The following CNTNAP2 variants were observed in gnomAD, a reference collection of about 807,000 sequenced individuals.
The protein encoded by CNTNAP2 is contactin-associated protein-like 2.
Under a neutral mutation model 155.2 loss-of-function variants are expected in CNTNAP2, and 98 were observed. That is an observed-to-expected ratio of 0.63 (90% CI 0.54 to 0.75). CNTNAP2 has a LOEUF of 0.75. CNTNAP2 is among the 30% of genes least tolerant of loss of function. The pLI is 0.00. For synonymous variants in CNTNAP2, 651 were observed against 631.2 expected (o/e 1.03, Z -0.47); for missense variants, 1,727 against 1,688.1 (o/e 1.02, Z -0.40).
intron 13 of CNTNAP2, among the ~76,000 whole-genome samples, chr7:147,827,543 G>A (rs17170688): frequency 0.011 from 1,725 of 152,286 alleles, 93 homozygotes; most frequent in Admixed American, 0.09. Flanking sequence ...AACTTCTCAA[G>A]GGATATCCTC....
At chr7:147,139,176 A>G (rs1369123882) in intron 8 of CNTNAP2, among the ~76,000 whole-genome samples, 3 of 152,126 alleles carry the variant, frequency 2.0e-5, no homozygotes. Context: ...ATAATATTGT[A>G]TCTACTTAAC....
chr7:148,085,572 G>C (rs1311210002), intron 15 of CNTNAP2, among the ~76,000 whole-genome samples: 1 of 152,094 alleles, frequency 6.6e-6, no homozygotes, highest in African/African-American at 2.4e-5. Context: ...AAGATTATTA[G>C]TTAGTACCGT....
Position 146,726,262 on chromosome 7 carries a change from G to A in CNTNAP2, c.98-48009G>A, listed in dbSNP as rs73740825. Reference sequence around the variant, plus strand: ...GAACTATTTAGGGAACAATATCTAGGTAACAATACATGAATATTATATTTA... The same window carrying A: ...GAACTATTTAGGGAACAATATCTAGATAACAATACATGAATATTATATTTA... On this transcript the variant is annotated intron_variant, in intron 1 of 23. Coordinates refer to ENST00000361727, the MANE Select transcript of CNTNAP2 (RefSeq NM_014141.6). Among the ~76,000 whole-genome samples the A allele has an allele frequency of 9.8e-3, 1,486 of 152,086 alleles. 29 individuals are homozygous for A. Among genetic ancestry groups the A allele is most frequent in the African/African-American group, 0.034 (1,413 of 41,478 alleles).
At chr7:146,806,745 T>C (rs562794659) in intron 2 of CNTNAP2, among the ~76,000 whole-genome samples, 1 of 152,244 alleles carries the variant, frequency 6.6e-6, no homozygotes, top group Non-Finnish European at 1.5e-5. Flanking sequence ...TAAAATGCCC[T>C]TCATCTGGTC....
At chr7:146,721,020 TA>T (rs1448129417) in intron 1 of CNTNAP2, among the ~76,000 whole-genome samples, 1 of 106,568 alleles carries the variant, frequency 9.4e-6, no homozygotes, top group African/African-American at 8.0e-5. Context: ...ATACTCTATA[TA>T]TTATATATAC....
At chr7:147,104,892 A>ATC (rs1800732104) in intron 4 of CNTNAP2, among the ~76,000 whole-genome samples, 1 of 52,658 alleles carries the variant, frequency 1.9e-5, no homozygotes, top group East Asian at 5.2e-4. Flanking sequence ...ATATATATAT[A>ATC]TATATATATA....
At chr7:147,698,845 G>C (rs915635639) in intron 13 of CNTNAP2, among the ~76,000 whole-genome samples, 8 of 152,208 alleles carry the variant, frequency 5.3e-5, no homozygotes, top group African/African-American at 1.9e-4. Flanking sequence ...TTGCTGGTGT[G>C]AGCACATTAT....
At chr7:148,052,137 C>T (rs1240887239) in intron 15 of CNTNAP2, among the ~76,000 whole-genome samples, 3 of 122,408 alleles carry the variant, frequency 2.5e-5, no homozygotes, top group East Asian at 6.4e-4. Context: ...AGCCAGACTC[C>T]GTCTCCAAAA....
At chr7:148,030,600 G>A (rs11760696) in intron 15 of CNTNAP2, among the ~76,000 whole-genome samples, 49,234 of 150,756 alleles carry the variant, frequency 0.33, 9,573 homozygotes, top group East Asian at 0.77. Context: ...TTCCGGTTCT[G>A]GGCCCATTCC....
chr7:148,314,053 G>A (rs1178534003), intron 21 of CNTNAP2, among the ~76,000 whole-genome samples: 1 of 152,170 alleles, frequency 6.6e-6, no homozygotes, highest in African/African-American at 2.4e-5. Context: ...GTGAGGAGGG[G>A]AGATGATAAA....
intron 12 of CNTNAP2, among the ~76,000 whole-genome samples, chr7:147,581,971 A>T (rs1006427006): frequency 6.6e-6 from 1 of 152,182 alleles, no homozygotes; most frequent in Non-Finnish European, 1.5e-5. Flanking sequence ...CTTGTGCTGT[A>T]AGATATGAAC....
At position 147,083,550 on chromosome 7, in the gene CNTNAP2, GTA is replaced by G. The variant is rs1289403405; in HGVS notation, c.551-24584_551-24583del. On this transcript the variant is annotated intron_variant, in intron 4 of 23. Transcript: ENST00000361727. ...TATATATATATACATATATATATATGTATATATATATATACACATATATATGT... is the reference window on the plus strand; with the variant it reads ...TATATATATATACATATATATATATGTATATATATATACACATATATATGT... Among the ~76,000 whole-genome samples, 723 of 112,960 alleles carry G rather than the reference GTA, an allele frequency of 6.4e-3. 10 individuals carry two copies. The highest frequency in any genetic ancestry group is 0.026 in the African/African-American group (650 of 25,346). The allele number at this position is 112,960 out of a possible 152,430, so 74.1% of individuals were successfully genotyped here.
rs1345136412 is a variant in CNTNAP2, at chr7:147,198,315, T to C, written c.1348+65806T>C. 4.5e-5 allele frequency among the ~76,000 whole-genome samples: 6 copies of C among 132,364 alleles called. No individual in the cohort carries two copies. The Admixed American group carries it at 5.5e-4, about 12-fold the overall frequency. 86.8% of individuals were successfully genotyped at this position (132,364 alleles called of 152,430 possible). ...GGTGTGATCTCGGCTCACCACAACC[T>C]CTGCCACCCAGGTTCCAGCAATTTT... On this transcript the variant is annotated intron_variant, in intron 8 of 23. Coordinates refer to ENST00000361727, the MANE Select transcript of CNTNAP2 (RefSeq NM_014141.6).
Position 147,654,605 on chromosome 7 carries a change from T to C in CNTNAP2, c.2098+15299T>C, listed in dbSNP as rs571390662. On this transcript the variant is annotated intron_variant, in intron 13 of 23. Coordinates refer to ENST00000361727, the MANE Select transcript of CNTNAP2 (RefSeq NM_014141.6). Reference sequence around the variant, plus strand: ...CGCAGTGACTTGCTCCACTGAAGTTTTGAACCTCTCAAACTCACTCATGAT... The same window carrying C: ...CGCAGTGACTTGCTCCACTGAAGTTCTGAACCTCTCAAACTCACTCATGAT... 3.3e-5 allele frequency among the ~76,000 whole-genome samples: 5 copies of C among 152,276 alleles called. No individual in the cohort carries two copies. The South Asian group carries it at 1.0e-3, about 32-fold the overall frequency.
chr7:146,877,566 A>G (rs1031984437), intron 3 of CNTNAP2, among the ~76,000 whole-genome samples: 4 of 151,398 alleles, frequency 2.6e-5, no homozygotes, highest in Admixed American at 1.3e-4. Context: ...TGTATACTAT[A>G]TATGTGTGTG....
At chr7:146,467,021 A>C (rs910517374) in intron 1 of CNTNAP2, among the ~76,000 whole-genome samples, 5 of 152,162 alleles carry the variant, frequency 3.3e-5, no homozygotes, top group Non-Finnish European at 7.4e-5. Flanking sequence ...AAACTCTTCT[A>C]AGTACAAAGT....
At chr7:148,235,690 T>TA (rs1465726523) in intron 20 of CNTNAP2, among the ~76,000 whole-genome samples, 6 of 148,134 alleles carry the variant, frequency 4.1e-5, no homozygotes, top group Non-Finnish European at 9.0e-5. Context: ...CAATTATTTT[T>TA]TTTTTTTTTT....
intron 11 of CNTNAP2, among the ~76,000 whole-genome samples, chr7:147,516,007 T>A (rs949805237): frequency 1.3e-5 from 2 of 152,200 alleles, no homozygotes; most frequent in Admixed American, 6.5e-5. Flanking sequence ...GATCTTAAAA[T>A]GAATAGCCCC....
intron 1 of CNTNAP2, among the ~76,000 whole-genome samples, chr7:146,710,219 A>G (rs73168707): frequency 0.021 from 3,272 of 152,262 alleles, 80 homozygotes; most frequent in East Asian, 0.12. Flanking sequence ...ACAAACACAA[A>G]ATCTAAGAAC....
Sources: gnomAD v4.1 joint callset for allele counts (sites outside exome capture counted in the v4.1 genomes callset) on GRCh38, gnomAD v4.1.1 for gene constraint, MANE v1.5 for transcripts, NCBI Gene and HGNC (gene_info 2026-07-23, HGNC 2026-07-21) for gene names.